The following SLC8A1 variants were observed in gnomAD, a reference collection of about 807,000 sequenced individuals.
SLC8A1 encodes solute carrier family 8 member A1.
SLC8A1 carries 18 observed loss-of-function variants against 68.3 expected under a neutral mutation model. The ratio of observed to expected loss-of-function variants is 0.26; its 90% CI spans 0.18 to 0.39. SLC8A1 has a LOEUF of 0.39. Ranked by LOEUF, SLC8A1 falls within the 10% of genes least tolerant of loss-of-function variation. The pLI, the probability that SLC8A1 is intolerant of heterozygous loss-of-function variation, is 1.00. For missense variants in SLC8A1, 985 were observed against 1,156.7 expected (o/e 0.85, Z 2.15); for synonymous variants, 475 against 415.5 (o/e 1.14, Z -1.74).
At chr2:40,357,701 G>A (rs988832175) in intron 2 of SLC8A1, among the ~76,000 whole-genome samples, 1 of 151,890 alleles carries the variant, frequency 6.6e-6, no homozygotes, top group Non-Finnish European at 1.5e-5. Flanking sequence ...TTTAAAAAAA[G>A]GAACCTCCTC....
chr2:40,306,877 G>C (rs991082358), intron 2 of SLC8A1, among the ~76,000 whole-genome samples: 1 of 152,148 alleles, frequency 6.6e-6, no homozygotes, highest in Non-Finnish European at 1.5e-5. Flanking sequence ...ATATTGTGAT[G>C]AGTCAGAGAA....
intron 2 of SLC8A1, among the ~76,000 whole-genome samples, chr2:40,376,339 T>A (rs957216973): frequency 1.6e-4 from 24 of 152,128 alleles, no homozygotes; most frequent in Admixed American, 6.6e-5. Context: ...CACCTGGGAT[T>A]AGAGATAGAC....
chr2:40,450,758 G>A (rs575421642), intron 1 of SLC8A1, among the ~76,000 whole-genome samples: 1 of 152,322 alleles, frequency 6.6e-6, no homozygotes, highest in Non-Finnish European at 1.5e-5. Context: ...AGCGGCTTCA[G>A]GAGAGCCAGG....
At chr2:40,416,171 A>G (rs1386611429) in intron 2 of SLC8A1, among the ~76,000 whole-genome samples, 1 of 152,040 alleles carries the variant, frequency 6.6e-6, no homozygotes, top group African/African-American at 2.4e-5. Flanking sequence ...ATAATTATTA[A>G]TAGTGCCCTC....
chr2:40,361,635 GCCT>G (rs1674662135), intron 2 of SLC8A1, among the ~76,000 whole-genome samples: 1 of 151,970 alleles, frequency 6.6e-6, no homozygotes, highest in African/African-American at 2.4e-5. Flanking sequence ...GTACCTCACT[GCCT>G]ATAAACTAAG....
intron 2 of SLC8A1, among the ~76,000 whole-genome samples, chr2:40,398,498 C>T (rs1441558244): frequency 6.6e-6 from 1 of 152,076 alleles, no homozygotes; most frequent in Non-Finnish European, 1.5e-5. Context: ...TGTGGATAAA[C>T]AGAAAGAAGA....
chr2:40,196,563 A>G (rs1036453224), intron 2 of SLC8A1, among the ~76,000 whole-genome samples: 1 of 151,968 alleles, frequency 6.6e-6, no homozygotes, highest in African/African-American at 2.4e-5. Context: ...ATGAAAGGTG[A>G]GCATGGGGAA....
chr2:40,456,268 A>C (rs1170816649), upstream of SLC8A1, among the ~76,000 whole-genome samples: 1 of 145,936 alleles, frequency 6.9e-6, no homozygotes, highest in Non-Finnish European at 1.5e-5. Flanking sequence ...GTGAGCAGAG[A>C]TCACACCACT....
chr2:40,274,379 C>G (rs1422915288), intron 2 of SLC8A1, among the ~76,000 whole-genome samples: 6 of 152,020 alleles, frequency 3.9e-5, no homozygotes, highest in Non-Finnish European at 8.8e-5. Context: ...CAGCCCCACA[C>G]TGAAGGGCAA....
chr2:40,183,601 C>T (rs953178749), intron 2 of SLC8A1, among the ~76,000 whole-genome samples: 3 of 152,142 alleles, frequency 2.0e-5, no homozygotes, highest in African/African-American at 7.2e-5. Flanking sequence ...TCCATCCAGG[C>T]CCACAGAATC....
At chr2:40,165,423 C>G (rs930064532) in intron 4 of SLC8A1, among the ~76,000 whole-genome samples, 11 of 152,130 alleles carry the variant, frequency 7.2e-5, no homozygotes, top group African/African-American at 2.7e-4. Flanking sequence ...TGGCCTCTTC[C>G]TCTTCACTTT....
chr2:40,289,895 A>ATTAAATT, intron 2 of SLC8A1, among the ~76,000 whole-genome samples: 1 of 152,084 alleles, frequency 6.6e-6, no homozygotes, highest in African/African-American at 2.4e-5. Flanking sequence ...ATTAAATTAA[A>ATTAAATT]AAATAAGGAG....
chr2:40,342,972 G>A (rs966803672), intron 2 of SLC8A1, among the ~76,000 whole-genome samples: 24 of 152,090 alleles, frequency 1.6e-4, no homozygotes, highest in African/African-American at 5.1e-4. Context: ...TGGTAACCAC[G>A]ATTCCAGTCA....
chr2:40,165,610 G>C (rs2046416315), intron 4 of SLC8A1, among the ~76,000 whole-genome samples: 1 of 152,204 alleles, frequency 6.6e-6, no homozygotes, highest in Non-Finnish European at 1.5e-5. Context: ...GCCAAAATTT[G>C]TTAGGAAAAC....
chr2:40,098,580 G>T (rs982034581), exon 8 of SLC8A1: 1 of 151,838 alleles, frequency 6.6e-6, no homozygotes, highest in Non-Finnish European at 1.5e-5. Context: ...CATTAATGTT[G>T]GTGCCTTTAA....
rs1400647143 is a variant in SLC8A1 at position 40,314,111 on chromosome 2, GT to G, written c.1808+114361del. Reference sequence around the variant, plus strand: ...TAAGTTCTCAAAGACTTTCTTCACCGTTTTTTGAAAAAAATATAATTGAGGT... The same window carrying G: ...TAAGTTCTCAAAGACTTTCTTCACCGTTTTTGAAAAAAATATAATTGAGGT... On this transcript the variant is annotated intron_variant, in intron 2 of 7. Coordinates refer to ENST00000406785, the Ensembl canonical transcript of SLC8A1. 2.0e-5 allele frequency among the ~76,000 whole-genome samples: 3 copies of G among 151,744 alleles called. No individual in the cohort carries two copies. The East Asian group carries it at 5.8e-4, about 29-fold the overall frequency.
chr2:40,314,897 A>AT (rs779081045), intron 2 of SLC8A1, among the ~76,000 whole-genome samples: 1 of 151,936 alleles, frequency 6.6e-6, no homozygotes, highest in Non-Finnish European at 1.5e-5. Flanking sequence ...GGTTTTACAG[A>AT]TTTTTATCAG....
Position 40,267,084 on chromosome 2 carries a change from G to A in SLC8A1, c.1809-89229C>T, listed in dbSNP as rs566175486. 4.3e-4 allele frequency among the ~76,000 whole-genome samples: 66 copies of A among 152,272 alleles called. 2 individuals are homozygous for A. The South Asian group carries it at 0.013, about 31-fold the overall frequency. On this transcript the variant is annotated intron_variant, in intron 2 of 7. Coordinates refer to ENST00000406785, the Ensembl canonical transcript of SLC8A1. ...TTTCTTGGGCAAAAGAGTAGGCAAA[G>A]CTGTTCTAAATAGAGTAGGAATAAA... is the stretch of plus-strand genomic sequence containing the variant.
chr2:40,339,171 A>G (rs1204877092), intron 2 of SLC8A1, among the ~76,000 whole-genome samples: 1 of 152,238 alleles, frequency 6.6e-6, no homozygotes, highest in African/African-American at 2.4e-5. Flanking sequence ...TTTAGTTCTT[A>G]GTAAGCATTG....
Sources: gnomAD v4.1 joint callset for allele counts (sites outside exome capture counted in the v4.1 genomes callset) on GRCh38, gnomAD v4.1.1 for gene constraint, MANE v1.5 for transcripts, NCBI Gene and HGNC (gene_info 2026-07-23, HGNC 2026-07-21) for gene names.